KCNJ3: variants seen among roughly 807,000 people sequenced by gnomAD.
KCNJ3 encodes the protein G protein-activated inward rectifier potassium channel 1.
A neutral mutation model predicts 39.2 loss-of-function variants in KCNJ3; 4 were observed. That is an observed-to-expected ratio of 0.10 (90% CI 0.05 to 0.23). KCNJ3 has a LOEUF of 0.23. Ranked by LOEUF, KCNJ3 falls within the 10% of genes least tolerant of loss-of-function variation. The pLI is 1.00. For synonymous variants in KCNJ3, 230 were observed against 237.4 expected (o/e 0.97, Z 0.29); for missense variants, 276 against 634.9 (o/e 0.43, Z 6.08).
At chr2:154,739,181 G>T (rs1421453056) in intron 2 of KCNJ3, among the ~76,000 whole-genome samples, 1 of 151,982 alleles carries the variant, frequency 6.6e-6, no homozygotes, top group Admixed American at 6.6e-5. Context: ...GCATGTGGGA[G>T]TATTAACCTA....
chr2:154,722,976 A>G (rs1685290586), intron 2 of KCNJ3, among the ~76,000 whole-genome samples: 1 of 152,040 alleles, frequency 6.6e-6, no homozygotes, highest in African/African-American at 2.4e-5. Context: ...TACAGGTTAG[A>G]GGGTATGAAA....
chr2:154,811,921 A>G (rs567662715), intron 2 of KCNJ3, among the ~76,000 whole-genome samples: 1 of 152,292 alleles, frequency 6.6e-6, no homozygotes, highest in African/African-American at 2.4e-5. Context: ...AATAAAAGAT[A>G]CTTAAAGCCT....
intron 2 of KCNJ3, among the ~76,000 whole-genome samples, chr2:154,764,075 T>G (rs1372398324): frequency 6.6e-6 from 1 of 152,212 alleles, no homozygotes; most frequent in Non-Finnish European, 1.5e-5. Context: ...AGACAGTCTC[T>G]CTGTTCTCAA....
intron 2 of KCNJ3, among the ~76,000 whole-genome samples, chr2:154,749,763 CT>C (rs927181135): frequency 6.6e-6 from 1 of 151,670 alleles, no homozygotes; most frequent in East Asian, 1.9e-4. Context: ...TTTTTCTTTT[CT>C]TTTTTCTTGG....
intron 2 of KCNJ3, among the ~76,000 whole-genome samples, chr2:154,778,852 A>G (rs1015784924): frequency 2.6e-5 from 4 of 152,128 alleles, no homozygotes; most frequent in African/African-American, 9.7e-5. Context: ...GGATGTAGAA[A>G]AACTTAAGAG....
At chr2:154,819,529 T>G (rs561911252) in intron 2 of KCNJ3, among the ~76,000 whole-genome samples, 25 of 152,044 alleles carry the variant, frequency 1.6e-4, no homozygotes, top group African/African-American at 5.8e-4. Context: ...TTTATTTTTA[T>G]TTATTTATTT....
intron 2 of KCNJ3, among the ~76,000 whole-genome samples, chr2:154,779,521 T>A (rs1352199173): frequency 2.7e-5 from 4 of 146,326 alleles, no homozygotes; most frequent in African/African-American, 5.0e-5. Flanking sequence ...TATATATTTT[T>A]TATATATATA....
chr2:154,766,453 G>A (rs1294868760), intron 2 of KCNJ3, among the ~76,000 whole-genome samples: 1 of 151,940 alleles, frequency 6.6e-6, no homozygotes, highest in African/African-American at 2.4e-5. Flanking sequence ...AAAGAAACCG[G>A]TATTGATTTT....
At chr2:154,736,296 G>A (rs117172218) in intron 2 of KCNJ3, among the ~76,000 whole-genome samples, 1 of 138,440 alleles carries the variant, frequency 7.2e-6, no homozygotes, top group East Asian at 2.2e-4. Flanking sequence ...AGACACTCAA[G>A]GAAACAGAAT....
At chr2:154,760,738 T>C (rs79749455) in intron 2 of KCNJ3, among the ~76,000 whole-genome samples, 19 of 138,418 alleles carry the variant, frequency 1.4e-4, no homozygotes, top group East Asian at 5.0e-4. Context: ...TTTTTTTCTT[T>C]TTTTTTTTTT....
chr2:154,753,679 C>A (rs1685886810), intron 2 of KCNJ3, among the ~76,000 whole-genome samples: 1 of 150,478 alleles, frequency 6.6e-6, no homozygotes, highest in South Asian at 2.1e-4. Context: ...AATGGAAAAG[C>A]CTTCTAGAAG....
intron 2 of KCNJ3, among the ~76,000 whole-genome samples, chr2:154,838,703 G>A (rs1420396614): frequency 6.6e-6 from 1 of 152,110 alleles, no homozygotes; most frequent in African/African-American, 2.4e-5. Context: ...TTATATAAAT[G>A]TAACATTGTA....
intron 2 of KCNJ3, among the ~76,000 whole-genome samples, chr2:154,754,790 C>A (rs779619573): frequency 2.0e-4 from 31 of 151,966 alleles, no homozygotes; most frequent in Admixed American, 2.0e-4. Context: ...AAATTTTTCT[C>A]CATTTTTAAG....
intron 2 of KCNJ3, among the ~76,000 whole-genome samples, chr2:154,776,005 C>CT (rs397872416): frequency 0.43 from 61,679 of 144,638 alleles, 13,076 homozygotes; most frequent in African/African-American, 0.47. Context: ...AGAAGTGATT[C>CT]TTTTTTTTTT....
At chr2:154,852,870 A>G (rs954756235) in intron 2 of KCNJ3, among the ~76,000 whole-genome samples, 1 of 152,146 alleles carries the variant, frequency 6.6e-6, no homozygotes, top group Non-Finnish European at 1.5e-5. Context: ...ATAAACACGG[A>G]TATCTGATCA....
intron 2 of KCNJ3, among the ~76,000 whole-genome samples, chr2:154,743,502 A>G (rs1685687235): frequency 6.6e-6 from 1 of 151,392 alleles, no homozygotes; most frequent in Non-Finnish European, 1.5e-5. Flanking sequence ...CTGTTTATTT[A>G]TATCTTCTTT....
intron 2 of KCNJ3, among the ~76,000 whole-genome samples, chr2:154,814,378 G>T (rs980464005): frequency 6.6e-6 from 1 of 152,006 alleles, no homozygotes; most frequent in African/African-American, 2.4e-5. Context: ...TGGCTTATGC[G>T]TGTAATCCTA....
chr2:154,765,340 G>A (rs193040659), intron 2 of KCNJ3, among the ~76,000 whole-genome samples: 54 of 152,198 alleles, frequency 3.5e-4, no homozygotes, highest in Admixed American at 8.5e-4. Context: ...TATCCTATTC[G>A]TCTATCAAAG....
At position 154,798,188 on chromosome 2, in the gene KCNJ3, G is replaced by GCACACA. The variant is rs57495585; in HGVS notation, c.920-56511_920-56506dup. Among the ~76,000 whole-genome samples the GCACACA allele has an allele frequency of 9.7e-4, 111 of 114,810 alleles. 2 individuals are homozygous for GCACACA. The highest frequency in any genetic ancestry group is 2.7e-3 in the African/African-American group (87 of 32,368). 75.3% of individuals were successfully genotyped at this position (114,810 alleles called of 152,430 possible). A position where few individuals can be genotyped will look rare whatever the true frequency, so the allele number is the denominator to read the frequency against. ...CACAAATACCCATCATTCGAACACC[G>GCACACA]CACACACACACACACACACACACAC... On this transcript the variant is annotated intron_variant, in intron 2 of 2. Coordinates refer to ENST00000295101, the MANE Select transcript of KCNJ3 (RefSeq NM_002239.4).
Sources: gnomAD v4.1 joint callset for allele counts (sites outside exome capture counted in the v4.1 genomes callset) on GRCh38, gnomAD v4.1.1 for gene constraint, MANE v1.5 for transcripts, NCBI Gene and HGNC (gene_info 2026-07-23, HGNC 2026-07-21) for gene names.